OC90: variants seen among roughly 807,000 people sequenced by gnomAD.
OC90 encodes otoconin 90, also known as otoconin-90.
OC90 carries 46 observed loss-of-function variants against 47.3 expected under a neutral mutation model. The observed-to-expected ratio is 0.97, with a 90% CI of 0.77 to 1.24. The LOEUF (loss-of-function observed/expected upper bound fraction) is 1.24, where lower values mean the gene tolerates loss of function less well. Ranked by LOEUF, OC90 falls within the 50% of genes most tolerant of loss-of-function variation. The probability of loss-of-function intolerance (pLI) is 0.00; values close to 1 mark genes in which losing one functional copy is unlikely to be tolerated. For missense variants in OC90, 688 were observed against 583.9 expected (o/e 1.18, Z -1.84); for synonymous variants, 271 against 219.5 (o/e 1.23, Z -2.07).
chr8:132,044,571 C>T (rs928028927), intron 3 of OC90, 82 bp from the exon 4 acceptor site: 3 of 769,900 alleles, frequency 3.9e-6, no homozygotes, highest in Non-Finnish European at 6.6e-6. Context: ...GTAAAGTGTA[C>T]ATAAAACCTT....
In OC90 at chr8:132,041,640, T is replaced by A. The variant is rs771731029; in HGVS notation, c.229A>T (p.Ile77Phe). Residue 77 changes from isoleucine (I) to phenylalanine (F), a missense_variant, in exon 5 of 14, where the codon ATC becomes TTC. Coordinates refer to ENST00000254627, the MANE Select transcript of OC90 (RefSeq NM_001080399.3). ...QAVFTNFPVL[I>F]QFVNGMKCVA... ...CACTTCATACCATTGACAAACTGGA[T>A]CAGCACAGGGAAATTGGTGAAGACA... 1.3e-5 allele frequency: 21 copies of A among 1,606,176 alleles called. No homozygotes were observed. In the African/African-American group the frequency reaches 1.9e-4, roughly 15 times the overall value.
In OC90 at chr8:132,029,729, C is replaced by T. The variant is rs533738414; in HGVS notation, c.1032-550G>A. On this transcript the variant is annotated intron_variant, in intron 12 of 13. Transcript: ENST00000254627. Reference sequence around the variant, plus strand: ...AAGTGTCCAGCATAGATCAGGACCTCGTAAATACATGAAAATGAGTCAATG... The same window carrying T: ...AAGTGTCCAGCATAGATCAGGACCTTGTAAATACATGAAAATGAGTCAATG... 2.0e-3 allele frequency among the ~76,000 whole-genome samples: 301 copies of T among 152,262 alleles called. 2 individuals are homozygous for T. The highest frequency in any genetic ancestry group is 6.8e-3 in the African/African-American group (284 of 41,538).
rs375849988 is a variant in OC90, at chr8:132,041,745, C to T, written c.170-46G>A. The T allele has an allele frequency of 1.7e-5, 21 of 1,255,536 alleles. No homozygotes were observed. In the African/African-American group the frequency reaches 3.1e-4, roughly 19 times the overall value. 77.8% of individuals were successfully genotyped at this position (1,255,536 alleles called of 1,614,324 possible). Reference sequence around the variant, plus strand: ...GCCTGATAAGCACTGGGAACTAGGACTAGGAGGGCGTCCCTGTCCCCTGGA... The same window carrying T: ...GCCTGATAAGCACTGGGAACTAGGATTAGGAGGGCGTCCCTGTCCCCTGGA... On this transcript the variant is annotated intron_variant, in intron 4 of 13. Coordinates refer to ENST00000254627, the MANE Select transcript of OC90 (RefSeq NM_001080399.3).
At chr8:132,053,583 A>C (rs1823245132) in intron 2 of OC90, among the ~76,000 whole-genome samples, 2 of 152,216 alleles carry the variant, frequency 1.3e-5, no homozygotes, top group African/African-American at 2.4e-5. Context: ...TATGTATTCT[A>C]CCGAAAAGAT....
Position 132,039,163 on chromosome 8 carries a change from G to T in OC90, c.458-40C>A, listed in dbSNP as rs562293892. 25 of 1,561,552 alleles carry T rather than the reference G, an allele frequency of 1.6e-5. 1 individual carries two copies. The Middle Eastern group carries it at 6.7e-4, about 42-fold the overall frequency. On this transcript the variant is annotated intron_variant, in intron 6 of 13. Coordinates refer to ENST00000254627, the MANE Select transcript of OC90 (RefSeq NM_001080399.3). ...AGCATAGCCAATTGGAAAGATCTCA[G>T]CTGGAATCCCAAGAGGTAATGCAAG... is the stretch of plus-strand genomic sequence containing the variant.
intron 11 of OC90, among the ~76,000 whole-genome samples, chr8:132,032,644 C>T (rs1355401172): frequency 6.6e-6 from 1 of 152,236 alleles, no homozygotes. Context: ...GCCGTGGCCT[C>T]CTTGCAGGTG....
intron 9 of OC90, 134 bp downstream of exon 9, chr8:132,037,304 T>C: frequency 2.7e-6 from 2 of 741,578 alleles, no homozygotes; most frequent in South Asian, 1.6e-5. Context: ...TTCTCATGAA[T>C]AGTTTCACAC....
intron 10 of OC90, among the ~76,000 whole-genome samples, chr8:132,034,378 T>C (rs1487332144): frequency 2.0e-5 from 3 of 152,220 alleles, no homozygotes; most frequent in Non-Finnish European, 4.4e-5. Context: ...TCAGAACTGC[T>C]CAGTGAATGA....
At chr8:132,057,173 G>A (rs1014039477) in intron 1 of OC90, among the ~76,000 whole-genome samples, 2 of 152,220 alleles carry the variant, frequency 1.3e-5, no homozygotes, top group African/African-American at 2.4e-5. Context: ...CATCTGGCTC[G>A]AGGTCAAAGG....
intron 9 of OC90, chr8:132,036,255 A>T: frequency 1.4e-6 from 1 of 696,156 alleles, no homozygotes; most frequent in East Asian, 2.5e-5. Context: ...GTATAATAAT[A>T]TTTATTTCAG....
rs145675922 is a variant in OC90, at chr8:132,030,397, G to A, written c.1032-1218C>T. 1.1e-4 allele frequency among the ~76,000 whole-genome samples: 16 copies of A among 152,248 alleles called. No individual in the cohort carries two copies. The East Asian group carries it at 3.1e-3, about 29-fold the overall frequency. On this transcript the variant is annotated intron_variant, in intron 12 of 13. Transcript: ENST00000254627. ...AATTTCTTTCTGCAGATATGAAGTA[G>A]CCATATCATAACTTACCTGCCCAAC...
At chr8:132,041,007 C>A (rs1413277397) in intron 6 of OC90, 37 bp downstream of exon 6, 2 of 1,282,912 alleles carry the variant, frequency 1.6e-6, no homozygotes, top group Admixed American at 3.4e-5. Flanking sequence ...ACTGTCATTT[C>A]TGGGCCCAGG....
Position 132,041,577 on chromosome 8 carries a change from C to G in OC90, c.292G>C (p.Gly98Arg), listed in dbSNP as rs761384247. 2.9e-5 allele frequency: 46 copies of G among 1,613,334 alleles called. 1 individual carries two copies. The South Asian group carries it at 4.6e-4, about 16-fold the overall frequency. ...GLCPRDFEDY[G>R]CTCRFEMEGL... The stretch of plus-strand genomic sequence containing the variant: ...TCCATCTCAAACCTGCAGGTGCAAC[C>G]ATAGTCTTCAAAGTCTCGGGGGCAG... The change falls in exon 5 of 14, where the codon GGT (glycine) becomes CGT (arginine). Residue 98 changes from glycine (G) to arginine (R), a missense_variant. Transcript: ENST00000254627.
rs753089708 is a variant in OC90 at position 132,024,706 on chromosome 8, A to G, written c.1209T>C (p.Ser403=). 11 of 1,613,718 alleles carry G rather than the reference A, an allele frequency of 6.8e-6. No individual in the cohort carries two copies. The East Asian group carries it at 2.2e-4, about 33-fold the overall frequency. ...CDQTAAECMT[S]ASFNQSLKSP... ...ACTTGAGGCTTTGGTTAAAGGAGGC[A>G]GAGGTCATGCACTCAGCTGCCGTCT... Residue 403 remains serine (S), a synonymous_variant, in exon 14 of 14, where the codon TCT becomes TCC. Coordinates refer to ENST00000254627, the MANE Select transcript of OC90 (RefSeq NM_001080399.3).
chr8:132,034,848 AAGAGAGAC>A lies in OC90; in HGVS notation c.680-22_680-15del, dbSNP rs1563729808. On this transcript the variant is annotated splice_polypyrimidine_tract_variant and intron_variant, in intron 9 of 13. Coordinates refer to ENST00000254627, the MANE Select transcript of OC90 (RefSeq NM_001080399.3). The stretch of plus-strand genomic sequence containing the variant: ...CGTGGCCTGCTTCTGTTCCCCAAAG[AAGAGAGAC>A]AGCATGAGCATCCACCCCAGCCTGT... 6.2e-7 allele frequency: 1 copy of A among 1,609,700 alleles called. No individual in the cohort carries two copies. The highest frequency in any genetic ancestry group is 1.3e-5 in the African/African-American group (1 of 74,980).
At chr8:132,024,807 G>A (rs1822732444) in intron 13 of OC90, 31 bp from the exon 14 acceptor site, 1 of 1,579,814 alleles carries the variant, frequency 6.3e-7, no homozygotes, top group Non-Finnish European at 8.6e-7. Context: ...TAGAAGCCAT[G>A]AGACCTCTGA....
chr8:132,033,079 C>T lies in OC90; in HGVS notation c.819G>A (p.Val273=), dbSNP rs1302826274. The part of the protein sequence containing the change: ...PAGIKSLGLA[V]SSVENDPEET... The stretch of plus-strand genomic sequence containing the variant: ...CCTCAGGATCATTTTCAACAGATGA[C>T]ACTGCCAGCCCCAGAGATTTAATGC... Residue 273 remains valine (V), a synonymous_variant, in exon 11 of 14, where the codon GTG becomes GTA. Transcript: ENST00000254627. The T allele has an allele frequency of 6.2e-7, 1 of 1,610,244 alleles. No individual in the cohort carries two copies. The highest frequency in any genetic ancestry group is 8.5e-7 in the Non-Finnish European group (1 of 1,178,424).
At chr8:132,056,767 G>A (rs756114444) in intron 1 of OC90, among the ~76,000 whole-genome samples, 1 of 152,160 alleles carries the variant, frequency 6.6e-6, no homozygotes, top group Non-Finnish European at 1.5e-5. Context: ...CACTTCAGAG[G>A]AGCCCAGAGA....
chr8:132,031,655 C>G (rs1484464299), intron 12 of OC90, among the ~76,000 whole-genome samples: 2 of 152,218 alleles, frequency 1.3e-5, no homozygotes, highest in African/African-American at 4.8e-5. Flanking sequence ...CTGGCTCTGC[C>G]TTTTCCAAGG....
Sources: allele counts gnomAD v4.1 joint callset (sites outside exome capture counted in the v4.1 genomes callset), GRCh38; gene constraint gnomAD v4.1.1; transcripts MANE v1.5; gene names NCBI Gene and HGNC (gene_info 2026-07-23, HGNC 2026-07-21).